Variants in SCARA5 observed in about 807,000 individuals in gnomAD.
The protein encoded by SCARA5 is scavenger receptor class A member 5.
Under a neutral mutation model 46.3 loss-of-function variants are expected in SCARA5, and 45 were observed. That is an observed-to-expected ratio of 0.97 (90% confidence interval 0.76 to 1.24). The LOEUF (loss-of-function observed/expected upper bound fraction) is 1.24. SCARA5 is among the 50% of genes most tolerant of loss of function. The pLI, the probability that SCARA5 is intolerant of heterozygous loss-of-function variation, is 0.00. For synonymous variants in SCARA5, 333 were observed against 306.5 expected, an observed-to-expected ratio of 1.09 and a Z score of -0.90; for missense variants, 680 against 689.0, an observed-to-expected ratio of 0.99 and a Z score of 0.15.
intron 3 of SCARA5, among the ~76,000 whole-genome samples, chr8:27,947,014 CT>C (rs1358571998): frequency 0.023 from 3,191 of 138,158 alleles, 36 homozygotes; most frequent in Middle Eastern, 0.044. Context: ...TCCTGTTGGG[CT>C]TTTTTTTTTT....
At chr8:27,966,953 A>G (rs2726939) in intron 2 of SCARA5, among the ~76,000 whole-genome samples, 113,546 of 152,110 alleles carry the variant, frequency 0.75, 42,695 homozygotes, top group Non-Finnish European at 0.79. Context: ...AGTGGCTGGG[A>G]AGGTATGGGA....
intron 1 of SCARA5, among the ~76,000 whole-genome samples, chr8:27,988,530 T>C (rs1043370507): frequency 6.6e-5 from 10 of 152,238 alleles, no homozygotes; most frequent in Non-Finnish European, 1.5e-4. Context: ...GTGAGAAATG[T>C]ATTACAGGAC....
At chr8:27,939,441 T>C (rs976326206) in intron 3 of SCARA5, among the ~76,000 whole-genome samples, 23 of 152,194 alleles carry the variant, frequency 1.5e-4, no homozygotes, top group African/African-American at 5.5e-4. Context: ...GACTTTTGCA[T>C]GTCCCCCACC....
chr8:27,976,804 C>A (rs962474877), intron 2 of SCARA5, among the ~76,000 whole-genome samples: 1 of 152,058 alleles, frequency 6.6e-6, no homozygotes, highest in African/African-American at 2.4e-5. Context: ...CTCAGCAGGT[C>A]GGGGCAAAGA....
rs1413926290 is a variant in SCARA5, at chr8:27,984,886, CTCAT to C, written c.112+2614_112+2617del. Among the ~76,000 whole-genome samples, 19 of 151,420 alleles carry C rather than the reference CTCAT, an allele frequency of 1.3e-4. No individual in the cohort carries two copies. In the East Asian group the frequency reaches 3.1e-3, roughly 25 times the overall value. ...ATCCATCCATCCATTCATTCATTTACTCATTCATTCATCCATCCATTTATTCATT... is the reference window on the plus strand; with the variant it reads ...ATCCATCCATCCATTCATTCATTTACTCATTCATCCATCCATTTATTCATT... On this transcript the variant is annotated intron_variant, in intron 2 of 8. Coordinates refer to ENST00000354914, the MANE Select transcript of SCARA5 (RefSeq NM_173833.6).
At chr8:27,976,308 G>A (rs1050590489) in intron 2 of SCARA5, among the ~76,000 whole-genome samples, 7 of 152,114 alleles carry the variant, frequency 4.6e-5, no homozygotes, top group African/African-American at 1.4e-4. Context: ...GAAGCTATGC[G>A]GCATCAATGC....
At chr8:27,941,083 T>G (rs1356647896) in intron 3 of SCARA5, among the ~76,000 whole-genome samples, 2 of 151,976 alleles carry the variant, frequency 1.3e-5, no homozygotes, top group East Asian at 3.9e-4. Context: ...GATGATAACT[T>G]TTAACATCAT....
At chr8:27,951,928 G>T (rs1563536508) in intron 3 of SCARA5, among the ~76,000 whole-genome samples, 1 of 152,172 alleles carries the variant, frequency 6.6e-6, no homozygotes, top group Non-Finnish European at 1.5e-5. Context: ...AGTGCACAGG[G>T]TGTTGCTTAG....
At chr8:27,907,677 C>T (rs1470221233) in intron 5 of SCARA5, among the ~76,000 whole-genome samples, 1 of 150,188 alleles carries the variant, frequency 6.7e-6, no homozygotes, top group Admixed American at 6.7e-5. Flanking sequence ...TCAGGCAATC[C>T]TCCCACCTCA....
intron 3 of SCARA5, among the ~76,000 whole-genome samples, chr8:27,924,159 C>CT (rs1419598048): frequency 1.3e-5 from 2 of 152,142 alleles, no homozygotes; most frequent in Non-Finnish European, 2.9e-5. Flanking sequence ...CCACTCTGCT[C>CT]TGCATACCAC....
chr8:27,967,309 A>C (rs1305982039), intron 2 of SCARA5, among the ~76,000 whole-genome samples: 1 of 152,204 alleles, frequency 6.6e-6, no homozygotes, highest in Non-Finnish European at 1.5e-5. Flanking sequence ...TTTGTTGTAC[A>C]GATAAAGAAT....
chr8:27,976,071 T>C (rs1808519063), intron 2 of SCARA5, among the ~76,000 whole-genome samples: 1 of 151,890 alleles, frequency 6.6e-6, no homozygotes, highest in African/African-American at 2.4e-5. Context: ...AGGGTGTGTG[T>C]GCTTGTTTTT....
intron 4 of SCARA5, among the ~76,000 whole-genome samples, chr8:27,918,909 AAG>A (rs376126379): frequency 0.033 from 57 of 1,722 alleles, 26 homozygotes; most frequent in East Asian, 0.091. Flanking sequence ...GAGGAGGAGG[AAG>A]GGAAGGAGGA....
At chr8:27,891,936 G>A (rs937156002) in intron 7 of SCARA5, among the ~76,000 whole-genome samples, 3 of 152,202 alleles carry the variant, frequency 2.0e-5, no homozygotes, top group Non-Finnish European at 2.9e-5. Context: ...TGTCTTAGAC[G>A]TCAGATGTGG....
chr8:27,875,983 G>C (rs1334852282), intron 8 of SCARA5, among the ~76,000 whole-genome samples: 2 of 152,118 alleles, frequency 1.3e-5, no homozygotes, highest in Non-Finnish European at 2.9e-5. Context: ...GGGTGACAGA[G>C]GGAGACCTCA....
chr8:27,935,143 G>A (rs1034636709), intron 3 of SCARA5, among the ~76,000 whole-genome samples: 1 of 152,186 alleles, frequency 6.6e-6, no homozygotes, highest in Non-Finnish European at 1.5e-5. Flanking sequence ...TGATATCCAA[G>A]TTCTGATTTC....
chr8:27,904,681 G>A, intron 7 of SCARA5, 97 bp downstream of exon 7: 1 of 1,100,842 alleles, frequency 9.1e-7, no homozygotes, highest in Non-Finnish European at 1.4e-6. Flanking sequence ...CCCAGCCATG[G>A]CTCCAGCCTC....
intron 3 of SCARA5, among the ~76,000 whole-genome samples, chr8:27,924,810 C>A (rs572637807): frequency 6.6e-6 from 1 of 152,058 alleles, no homozygotes; most frequent in Non-Finnish European, 1.5e-5. Context: ...AAAATCAATG[C>A]GCAAAAATCA....
intron 4 of SCARA5, among the ~76,000 whole-genome samples, chr8:27,913,809 C>G (rs959132778): frequency 6.6e-6 from 1 of 152,228 alleles, no homozygotes; most frequent in African/African-American, 2.4e-5. Context: ...AGATCACTCA[C>G]GATCTGACCC....
Sources: gnomAD v4.1 joint callset for allele counts (sites outside exome capture counted in the v4.1 genomes callset) on GRCh38, gnomAD v4.1.1 for gene constraint, MANE v1.5 for transcripts, NCBI Gene and HGNC (gene_info 2026-07-23, HGNC 2026-07-21) for gene names.